The following ANGPT1 variants were observed in gnomAD, a reference collection of about 807,000 sequenced individuals.
ANGPT1 encodes angiopoietin 1, also known as angiopoietin-1.
Under a neutral mutation model 62.2 loss-of-function variants are expected in ANGPT1, and 17 were observed. That is an observed-to-expected ratio of 0.27 (90% CI 0.19 to 0.41). ANGPT1 has a LOEUF of 0.41. ANGPT1 is among the 10% of genes least tolerant of loss of function. The pLI, the probability that ANGPT1 is intolerant of heterozygous loss-of-function variation, is 1.00. For missense variants in ANGPT1, 478 were observed against 594.9 expected (o/e 0.80, Z 2.04); for synonymous variants, 199 against 198.9 (o/e 1.00, Z 0.00).
chr8:107,487,829 A>C (rs1445491967), intron 1 of ANGPT1, among the ~76,000 whole-genome samples: 1 of 152,224 alleles, frequency 6.6e-6, no homozygotes, highest in Non-Finnish European at 1.5e-5. Context: ...AAGTAAAAAA[A>C]CAAGGTTAGC....
chr8:107,436,128 A>G (rs979080201), intron 1 of ANGPT1, among the ~76,000 whole-genome samples: 4 of 151,860 alleles, frequency 2.6e-5, no homozygotes, highest in Admixed American at 1.3e-4. Context: ...CTGGTCTCCA[A>G]CTCCTGAGCA....
chr8:107,350,108 T>C (rs2130169930), intron 1 of ANGPT1, among the ~76,000 whole-genome samples: 1 of 152,264 alleles, frequency 6.6e-6, no homozygotes, highest in African/African-American at 2.4e-5. Context: ...CAAACACACA[T>C]GCAAAACTTT....
At chr8:107,349,484 T>C (rs1815887123) in intron 1 of ANGPT1, among the ~76,000 whole-genome samples, 1 of 152,186 alleles carries the variant, frequency 6.6e-6, no homozygotes, top group Admixed American at 6.5e-5. Flanking sequence ...TACATGAGTG[T>C]AAGTTTCTTA....
intron 1 of ANGPT1, among the ~76,000 whole-genome samples, chr8:107,473,972 G>A (rs1034696459): frequency 1.3e-5 from 2 of 152,144 alleles, no homozygotes; most frequent in African/African-American, 2.4e-5. Context: ...AAAAGTCCAG[G>A]ACCAGATGGA....
chr8:107,381,626 C>A (rs1816638962), intron 1 of ANGPT1, among the ~76,000 whole-genome samples: 1 of 152,128 alleles, frequency 6.6e-6, no homozygotes, highest in Non-Finnish European at 1.5e-5. Flanking sequence ...TTCTGGCAAA[C>A]TGAGAGCATC....
At chr8:107,304,386 T>C (rs868334251) in intron 4 of ANGPT1, among the ~76,000 whole-genome samples, 56 of 151,838 alleles carry the variant, frequency 3.7e-4, no homozygotes, top group Non-Finnish European at 5.9e-4. Context: ...TTAACCTTTT[T>C]CTAGAAATTA....
At chr8:107,484,914 T>A (rs1389791916) in intron 1 of ANGPT1, among the ~76,000 whole-genome samples, 1 of 152,194 alleles carries the variant, frequency 6.6e-6, no homozygotes, top group African/African-American at 2.4e-5. Flanking sequence ...AATATGTATT[T>A]GCTGTATTGT....
intron 8 of ANGPT1, among the ~76,000 whole-genome samples, chr8:107,253,015 C>A (rs933944093): frequency 5.3e-5 from 8 of 152,134 alleles, no homozygotes; most frequent in African/African-American, 1.9e-4. Context: ...AACATGAGCA[C>A]AATCTTGCAG....
chr8:107,329,683 G>GTCTC (rs1380317041), intron 3 of ANGPT1, among the ~76,000 whole-genome samples: 20 of 151,916 alleles, frequency 1.3e-4, no homozygotes, highest in African/African-American at 4.6e-4. Context: ...GTGTGTGTGA[G>GTCTC]TCTCTGTGTG....
chr8:107,472,983 C>A (rs1364776348), intron 1 of ANGPT1, among the ~76,000 whole-genome samples: 1 of 152,018 alleles, frequency 6.6e-6, no homozygotes, highest in Non-Finnish European at 1.5e-5. Flanking sequence ...ACCACCAGTA[C>A]TGGATATCCC....
At chr8:107,474,068 T>C (rs1812438300) in intron 1 of ANGPT1, among the ~76,000 whole-genome samples, 1 of 152,052 alleles carries the variant, frequency 6.6e-6, no homozygotes, top group Middle Eastern at 3.4e-3. Flanking sequence ...AAAGAGGGAA[T>C]CCAAAGTAAC....
intron 5 of ANGPT1, among the ~76,000 whole-genome samples, chr8:107,297,768 T>TATAC (rs1554580011): frequency 1.4e-5 from 2 of 142,630 alleles, no homozygotes; most frequent in African/African-American, 5.1e-5. Flanking sequence ...TATATATATA[T>TATAC]ACACACACAC....
intron 1 of ANGPT1, among the ~76,000 whole-genome samples, chr8:107,399,826 C>T (rs1422703343): frequency 6.6e-6 from 1 of 152,158 alleles, no homozygotes; most frequent in African/African-American, 2.4e-5. Flanking sequence ...GCCAATCTCA[C>T]TGAACTGAAG....
At chr8:107,349,617 T>C (rs1815889832) in intron 1 of ANGPT1, among the ~76,000 whole-genome samples, 1 of 152,096 alleles carries the variant, frequency 6.6e-6, no homozygotes, top group Non-Finnish European at 1.5e-5. Context: ...ACACTTAAAC[T>C]TCACAATTAT....
chr8:107,391,358 A>G (rs955946337), intron 1 of ANGPT1, among the ~76,000 whole-genome samples: 3 of 152,152 alleles, frequency 2.0e-5, no homozygotes, highest in Non-Finnish European at 2.9e-5. Context: ...CAAAACATAT[A>G]TGTGTTTATT....
intron 1 of ANGPT1, among the ~76,000 whole-genome samples, chr8:107,350,865 T>A (rs539641068): frequency 2.0e-5 from 3 of 152,284 alleles, no homozygotes; most frequent in Admixed American, 6.5e-5. Context: ...GGAGGACTGC[T>A]TTCATCTTAT....
At chr8:107,400,066 ATAC>A (rs1817015278) in intron 1 of ANGPT1, among the ~76,000 whole-genome samples, 2 of 152,200 alleles carry the variant, frequency 1.3e-5, no homozygotes, top group Admixed American at 1.3e-4. Flanking sequence ...TATTTATTAA[ATAC>A]AAACCAATTC....
At chr8:107,404,010 T>C (rs183966259) in intron 1 of ANGPT1, among the ~76,000 whole-genome samples, 7 of 152,284 alleles carry the variant, frequency 4.6e-5, no homozygotes, top group Non-Finnish European at 1.5e-5. Flanking sequence ...TAAAGGGCTG[T>C]TGCAACTTAA....
intron 1 of ANGPT1, among the ~76,000 whole-genome samples, chr8:107,393,547 C>G (rs891086836): frequency 1.3e-5 from 2 of 152,150 alleles, no homozygotes; most frequent in African/African-American, 4.8e-5. Flanking sequence ...CAGCGGCTCA[C>G]GCCTGTAATC....
Sources: allele counts gnomAD v4.1 joint callset (sites outside exome capture counted in the v4.1 genomes callset), GRCh38; gene constraint gnomAD v4.1.1; transcripts MANE v1.5; gene names NCBI Gene and HGNC (gene_info 2026-07-23, HGNC 2026-07-21).